Variants in HSPBAP1 observed in about 807,000 individuals in gnomAD.
HSPBAP1 encodes the protein HSPB1 associated protein 1.
Under a neutral mutation model 45.2 loss-of-function variants are expected in HSPBAP1, and 27 were observed. The ratio of observed to expected loss-of-function variants is 0.60; its 90% confidence interval spans 0.44 to 0.82. The LOEUF is 0.82. HSPBAP1 is among the 40% of genes least tolerant of loss of function. The pLI is 0.00. For synonymous variants in HSPBAP1, 204 were observed against 202.7 expected (o/e 1.01, Z -0.06); for missense variants, 510 against 590.9 (o/e 0.86, Z 1.42).
intron 1 of HSPBAP1, among the ~76,000 whole-genome samples, chr3:122,778,691 G>A (rs112178314): frequency 0.054 from 8,235 of 151,900 alleles, 289 homozygotes; most frequent in Middle Eastern, 0.11. Context: ...CACTGCGCCC[G>A]GCTAATTTTT....
chr3:122,765,022 T>C (rs985858289), intron 3 of HSPBAP1, among the ~76,000 whole-genome samples: 2 of 152,220 alleles, frequency 1.3e-5, no homozygotes, highest in Non-Finnish European at 2.9e-5. Context: ...GAGAGCATGT[T>C]GAAATTGAGG....
intron 2 of HSPBAP1, among the ~76,000 whole-genome samples, chr3:122,770,358 C>T (rs552436092): frequency 7.2e-5 from 11 of 152,292 alleles, no homozygotes; most frequent in African/African-American, 2.6e-4. Flanking sequence ...TTGTAAAGCA[C>T]TTAGTGCCTG....
At position 122,759,386 on chromosome 3, in the gene HSPBAP1, A is replaced by C. The variant is rs1934488258; in HGVS notation, c.433-26T>G. Reference sequence around the variant, plus strand: ...CTGTTTTGAAATAAAGTTGCAATCCATCAAGAACTAACCAACTTCTCTGTA... The same window carrying C: ...CTGTTTTGAAATAAAGTTGCAATCCCTCAAGAACTAACCAACTTCTCTGTA... On this transcript the variant is annotated intron_variant, in intron 3 of 7. Coordinates refer to ENST00000306103, the MANE Select transcript of HSPBAP1 (RefSeq NM_024610.6). The C allele has an allele frequency of 1.9e-6, 3 of 1,605,854 alleles. No individual in the cohort carries two copies. The African/African-American group carries it at 4.0e-5, about 21-fold the overall frequency.
At chr3:122,753,577 G>A in intron 5 of HSPBAP1, 1 of 984,362 alleles carries the variant, frequency 1.0e-6, no homozygotes, top group Non-Finnish European at 1.2e-6. Flanking sequence ...CAAGAAGGAT[G>A]GCATCTATCC....
intron 4 of HSPBAP1, among the ~76,000 whole-genome samples, chr3:122,757,439 G>A (rs1934395591): frequency 6.6e-6 from 1 of 152,164 alleles, no homozygotes; most frequent in Admixed American, 6.5e-5. Flanking sequence ...CACCACAAAT[G>A]GCAGCTCCTC....
intron 6 of HSPBAP1, among the ~76,000 whole-genome samples, chr3:122,748,632 T>C (rs1934013837): frequency 6.6e-6 from 1 of 152,200 alleles, no homozygotes; most frequent in Admixed American, 6.5e-5. Context: ...TTTCACATAC[T>C]ACTAATGGAA....
At chr3:122,761,641 G>A (rs926260312) in intron 3 of HSPBAP1, 1 of 147,998 alleles carries the variant, frequency 6.8e-6, no homozygotes, top group African/African-American at 2.5e-5. Context: ...TAACAAATTG[G>A]CTGGGCGTGG....
intron 4 of HSPBAP1, among the ~76,000 whole-genome samples, chr3:122,756,976 C>T (rs1250790708): frequency 1.3e-5 from 2 of 152,050 alleles, no homozygotes; most frequent in Non-Finnish European, 2.9e-5. Context: ...CAGAGCTTGC[C>T]CAGTGTCACT....
At chr3:122,747,470 T>C (rs191418648) in intron 6 of HSPBAP1, among the ~76,000 whole-genome samples, 31,740 of 143,802 alleles carry the variant, frequency 0.22, 3,469 homozygotes, top group Middle Eastern at 0.26. Flanking sequence ...CCAGCCGCCC[T>C]GTCTGGGAGG....
At chr3:122,753,520 T>G in intron 5 of HSPBAP1, 1 of 984,362 alleles carries the variant, frequency 1.0e-6, no homozygotes, top group Non-Finnish European at 1.2e-6. Flanking sequence ...TATTAAACGT[T>G]AAGATATAAA....
At chr3:122,747,455 C>A (rs925220099) in intron 6 of HSPBAP1, among the ~76,000 whole-genome samples, 2 of 151,796 alleles carry the variant, frequency 1.3e-5, no homozygotes, top group African/African-American at 4.8e-5. Flanking sequence ...AGCGTCTCCG[C>A]CCGGCCAGCC....
intron 2 of HSPBAP1, among the ~76,000 whole-genome samples, chr3:122,770,185 T>C (rs894576115): frequency 7.2e-5 from 11 of 152,216 alleles, no homozygotes; most frequent in Admixed American, 6.5e-5. Flanking sequence ...AGCCACAGAA[T>C]GGCAGAGAGG....
At chr3:122,790,360 A>G (rs1935787071) in intron 1 of HSPBAP1, among the ~76,000 whole-genome samples, 1 of 152,098 alleles carries the variant, frequency 6.6e-6, no homozygotes, top group Admixed American at 6.5e-5. Context: ...CATTATTTCT[A>G]CTTTAGTAGA....
At chr3:122,763,291 GAC>G (rs1433243610) in intron 3 of HSPBAP1, among the ~76,000 whole-genome samples, 1 of 152,214 alleles carries the variant, frequency 6.6e-6, no homozygotes, top group Non-Finnish European at 1.5e-5. Flanking sequence ...TGTAGGGAGA[GAC>G]AGGTTAGGAA....
chr3:122,777,714 G>A lies in HSPBAP1; in HGVS notation c.250+7C>T, dbSNP rs1425412931. The A allele has an allele frequency of 6.2e-7, 1 of 1,606,664 alleles. No individual in the cohort carries two copies. Among genetic ancestry groups the A allele is most frequent in the South Asian group, 1.1e-5 (1 of 90,670 alleles). ...GACATTATGATGGTGATTACCTATAGTCATACCTGTGCTCATGCTTTTCAT... is the reference window on the plus strand; with the variant it reads ...GACATTATGATGGTGATTACCTATAATCATACCTGTGCTCATGCTTTTCAT... On this transcript the variant is annotated splice_region_variant and intron_variant, in intron 2 of 7. Transcript: ENST00000306103.
At chr3:122,755,591 G>A (rs895982077) in intron 4 of HSPBAP1, among the ~76,000 whole-genome samples, 160 bp from the exon 5 acceptor site, 56 of 151,862 alleles carry the variant, frequency 3.7e-4, no homozygotes, top group Non-Finnish European at 5.9e-4. Context: ...CTGACTCAGC[G>A]CTAGAATCCC....
intron 6 of HSPBAP1, among the ~76,000 whole-genome samples, chr3:122,747,452 C>G (rs1326452827): frequency 6.6e-6 from 1 of 151,786 alleles, no homozygotes; most frequent in Non-Finnish European, 1.5e-5. Context: ...AGGAGCGTCT[C>G]CGCCCGGCCA....
At chr3:122,774,592 G>C (rs1935123703) in intron 2 of HSPBAP1, among the ~76,000 whole-genome samples, 1 of 152,148 alleles carries the variant, frequency 6.6e-6, no homozygotes, top group Admixed American at 6.5e-5. Context: ...AATAAGATTA[G>C]ATTTGTTTTC....
At position 122,768,851 on chromosome 3, in the gene HSPBAP1, TA is replaced by T; in HGVS notation, c.281del (p.Val94GlufsTer9). On this transcript the variant is annotated frameshift_variant, in exon 3 of 8. Transcript: ENST00000306103. LOFTEE classifies it high-confidence loss of function. Reference sequence around the variant, plus strand: ...TCAGAAACTCTTCGAGTGTAGCTTCTACGTAATTACATGTAGTTTCAAACTG... The same window carrying T: ...TCAGAAACTCTTCGAGTGTAGCTTCTCGTAATTACATGTAGTTTCAAACTG... ...VPQFETTCNY[V>X]EATLEEFLTW... 3.1e-6 allele frequency: 5 copies of T among 1,612,284 alleles called. No individual in the cohort carries two copies. Among genetic ancestry groups the T allele is most frequent in the Non-Finnish European group, 4.2e-6 (5 of 1,178,424 alleles).
Sources: gnomAD v4.1 joint callset for allele counts (sites outside exome capture counted in the v4.1 genomes callset) on GRCh38, gnomAD v4.1.1 for gene constraint, MANE v1.5 for transcripts, NCBI Gene and HGNC (gene_info 2026-07-23, HGNC 2026-07-21) for gene names.